Variants in CILP observed in about 807,000 individuals in gnomAD.
CILP encodes the protein cartilage intermediate layer protein.
A neutral mutation model predicts 82.5 loss-of-function variants in CILP; 75 were observed. The observed-to-expected ratio is 0.91, with a 90% confidence interval of 0.75 to 1.10. The LOEUF (loss-of-function observed/expected upper bound fraction) is 1.10. Among genes scored for constraint, CILP ranks in the 50% least tolerant of loss-of-function variants. CILP has a pLI of 0.00. For synonymous variants in CILP, 530 were observed against 580.3 expected (o/e 0.91, Z 1.25); for missense variants, 1,479 against 1,530.8 (o/e 0.97, Z 0.56).
At chr15:65,201,400 G>A (rs1000656709) in intron 8 of CILP, among the ~76,000 whole-genome samples, 5 of 152,138 alleles carry the variant, frequency 3.3e-5, no homozygotes, top group East Asian at 3.9e-4. Flanking sequence ...CTGTACCATC[G>A]TTATGTCCTA....
At chr15:65,207,839 A>G (rs1266467045) in intron 2 of CILP, 75 bp from the exon 3 acceptor site, 2 of 1,282,284 alleles carry the variant, frequency 1.6e-6, no homozygotes, top group Non-Finnish European at 2.3e-6. Flanking sequence ...GCAGGGAAAC[A>G]GTGTGAGGTG....
chr15:65,207,776 A>C lies in CILP; in HGVS notation c.62-12T>G. The C allele has an allele frequency of 6.2e-7, 1 of 1,611,970 alleles. No homozygotes were observed. The highest frequency in any genetic ancestry group is 8.5e-7 in the Non-Finnish European group (1 of 1,178,048). On this transcript the variant is annotated splice_polypyrimidine_tract_variant and intron_variant, in intron 2 of 8. Transcript: ENST00000261883. ...CATCGTCTGTCTCCCTGAGGGCCAG[A>C]AGGAGAAGCTAAGTGAGAGGCCAGG...
intron 2 of CILP, among the ~76,000 whole-genome samples, chr15:65,209,012 C>CTTTTTTTTTTTTTTTTTTTTTTTT (rs556369891): frequency 8.6e-5 from 6 of 69,988 alleles, no homozygotes; most frequent in Admixed American, 2.3e-4. Context: ...GGGTTTTGAG[C>CTTTTTTTTTTTTTTTTTTTTTTTT]TTTTTTTTTT....
At chr15:65,199,684 A>C (rs1301058641) in intron 8 of CILP, among the ~76,000 whole-genome samples, 1 of 152,130 alleles carries the variant, frequency 6.6e-6, no homozygotes, top group Non-Finnish European at 1.5e-5. Flanking sequence ...TCAGCTGGGC[A>C]TGGTGGCACA....
rs957647608 is a variant in CILP, at chr15:65,208,991, G to A, written c.61+704C>T. Among the ~76,000 whole-genome samples, 4 of 135,762 alleles carry A rather than the reference G, an allele frequency of 2.9e-5. No individual in the cohort carries two copies. The South Asian group carries it at 7.8e-4, about 26-fold the overall frequency. The allele number at this position is 135,762 out of a possible 152,430, so 89.1% of individuals were successfully genotyped here. A position where few individuals can be genotyped will look rare whatever the true frequency, so the allele number is the denominator to read the frequency against. On this transcript the variant is annotated intron_variant, in intron 2 of 8. Transcript: ENST00000261883. ...AGCCACAAATCCTGCAAGGCATACA[G>A]CTTTAAAGGAGGGTTTTGAGCTTTT...
Position 65,204,253 on chromosome 15 carries a change from A to G in CILP, c.919+15T>C, listed in dbSNP as rs1288041723. 4 of 1,609,956 alleles carry G rather than the reference A, an allele frequency of 2.5e-6. No individual in the cohort carries two copies. Among genetic ancestry groups the G allele is most frequent in the Non-Finnish European group, 2.5e-6 (3 of 1,178,672 alleles). On this transcript the variant is annotated intron_variant, in intron 6 of 8. Transcript: ENST00000261883. ...TGGACCTTCTCACCAGCCCTACCCC[A>G]AAGAATTTAGTTACCTGCCCTCACA...
In CILP at chr15:65,197,513, TGTA is replaced by T; in HGVS notation, c.2770_2772del (p.Tyr924del). 2.5e-6 allele frequency: 4 copies of T among 1,614,192 alleles called. No homozygotes were observed. The highest frequency in any genetic ancestry group is 3.4e-6 in the Non-Finnish European group (4 of 1,180,028). On this transcript the variant is annotated inframe_deletion, in exon 9 of 9. Coordinates refer to ENST00000261883, the MANE Select transcript of CILP (RefSeq NM_003613.4). ...TCATCTTCGTTGAAGGGGACTGTGT[TGTA>T]GTCATATCGATCCCCCTCAATCTGG...
Position 65,197,103 on chromosome 15 carries a change from G to A in CILP, c.3183C>T (p.Tyr1061=), listed in dbSNP as rs750028074. The change falls in exon 9 of 9, where the codon TAC becomes TAT. Residue 1061 remains tyrosine, a synonymous_variant. Coordinates refer to ENST00000261883, the MANE Select transcript of CILP (RefSeq NM_003613.4). ...GTGGGTCCAAGGGTGCCAGCATGGT[G>A]TACTCACTGGTGTCGTTGTTGACTG... ...PLAVNNDTSE[Y]TMLAPLDPLG... The A allele has an allele frequency of 1.2e-5, 19 of 1,614,102 alleles. No homozygotes were observed. The South Asian group carries it at 2.1e-4, about 18-fold the overall frequency.
chr15:65,209,823 GGAA>G lies in CILP; in HGVS notation c.-71_-69del. 7 of 1,404,784 alleles carry G rather than the reference GGAA, an allele frequency of 5.0e-6. No homozygotes were observed. Among genetic ancestry groups the G allele is most frequent in the Non-Finnish European group, 7.1e-6 (7 of 992,040 alleles). 87.0% of individuals were successfully genotyped at this position (1,404,784 alleles called of 1,614,324 possible). On this transcript the variant is annotated 5_prime_UTR_variant, in exon 2 of 9. Transcript: ENST00000261883. ...GGTGCTTCACAGAGTCACTGACTCT[GGAA>G]TGCGGTCCCCTGGGAAGTTTCTCAG...
rs564148044 is a variant in CILP at position 65,198,418 on chromosome 15, C to G, written c.1868G>C (p.Ser623Thr). 4.3e-6 allele frequency: 7 copies of G among 1,614,254 alleles called. No homozygotes were observed. The highest frequency in any genetic ancestry group is 4.5e-5 in the East Asian group (2 of 44,896). The change falls in exon 9 of 9, where the codon AGT becomes ACT. Residue 623 changes from serine (S) to threonine (T), a missense_variant. Physicochemically the swap from Ser to Thr is moderately conservative, Grantham distance 58. Transcript: ENST00000261883. Reference sequence around the variant, plus strand: ...ATTCCGGGGATCCAGGAAGGTCACACTGGCCTTCACTTTTCCTATGTAGGG... The same window carrying G: ...ATTCCGGGGATCCAGGAAGGTCACAGTGGCCTTCACTTTTCCTATGTAGGG... Reference protein sequence around the residue: ...GEPYIGKVKASVTFLDPRNIS... With the variant: ...GEPYIGKVKATVTFLDPRNIS...
At position 65,197,766 on chromosome 15, in the gene CILP, A is replaced by T. The variant is rs1381093515; in HGVS notation, c.2520T>A (p.Pro840=). The change falls in exon 9 of 9, where the codon CCT becomes CCA. Residue 840 remains proline, a synonymous_variant. Coordinates refer to ENST00000261883, the MANE Select transcript of CILP (RefSeq NM_003613.4). ...GEELQAVESS[P]KFNPNAIGVP... ...CGCCAATTGCATTTGGGTTGAATTT[A>T]GGAGAAGACTCCACTGCTTGCAGTT... 6.8e-6 allele frequency: 11 copies of T among 1,612,648 alleles called. No homozygotes were observed. In the Middle Eastern group the frequency reaches 4.9e-4, roughly 72 times the overall value.
intron 7 of CILP, among the ~76,000 whole-genome samples, 186 bp from the exon 8 acceptor site, chr15:65,202,215 T>C (rs191208650): frequency 6.2e-4 from 95 of 152,218 alleles, no homozygotes; most frequent in Middle Eastern, 6.8e-3. Flanking sequence ...TGGTTCTAAG[T>C]CCCAGCCCTA....
intron 8 of CILP, 128 bp from the exon 9 acceptor site, chr15:65,199,227 A>T: frequency 9.1e-6 from 6 of 661,058 alleles, no homozygotes; most frequent in Non-Finnish European, 1.5e-5. Flanking sequence ...TCTCATTCTC[A>T]CAGAACTCTC....
rs1318765598 is a variant in CILP, at chr15:65,197,950, T to A, written c.2336A>T (p.Asn779Ile). The change falls in exon 9 of 9, where the codon AAC (asparagine) becomes ATC (isoleucine). Residue 779 changes from asparagine to isoleucine, a missense_variant. Asn to Ile is a moderately radical substitution (Grantham distance 149, BLOSUM62 -3). Coordinates refer to ENST00000261883, the MANE Select transcript of CILP (RefSeq NM_003613.4). The stretch of plus-strand genomic sequence containing the variant: ...CAAGAAGCCAGTTCTAGGCTCCAGG[T>A]TAATCACGGAGATCACAACCCCCTG... ...QIQGVVISVI[N>I]LEPRTGFLSN... is the part of the protein sequence containing the mutation. The A allele has an allele frequency of 6.2e-7, 1 of 1,613,974 alleles. No individual in the cohort carries two copies. The highest frequency in any genetic ancestry group is 1.3e-5 in the African/African-American group (1 of 74,884).
At chr15:65,202,834 C>T (rs1595958730) in intron 7 of CILP, among the ~76,000 whole-genome samples, 6 of 117,546 alleles carry the variant, frequency 5.1e-5, no homozygotes, top group East Asian at 2.4e-4. Context: ...GGGACCACAG[C>T]TTTTTTTTTT....
At chr15:65,203,976 A>G (rs748153282) in intron 6 of CILP, among the ~76,000 whole-genome samples, 1 of 152,248 alleles carries the variant, frequency 6.6e-6, no homozygotes, top group Non-Finnish European at 1.5e-5. Flanking sequence ...AGAACATTCT[A>G]AACAGAATAC....
chr15:65,209,601 G>A, intron 2 of CILP, 94 bp downstream of exon 2: 2 of 1,212,316 alleles, frequency 1.6e-6, no homozygotes, highest in Non-Finnish European at 2.4e-6. Context: ...GCCTTGCTGT[G>A]TCTTAAGGCA....
At chr15:65,207,358 C>T (rs566363512) in intron 3 of CILP, among the ~76,000 whole-genome samples, 8 of 152,246 alleles carry the variant, frequency 5.3e-5, no homozygotes, top group Admixed American at 2.6e-4. Flanking sequence ...GCTTTAAGAT[C>T]GTCTAGCTAG....
chr15:65,207,030 C>T lies in CILP; in HGVS notation c.176G>A (p.Trp59Ter). 1 of 1,613,446 alleles carries T rather than the reference C, an allele frequency of 6.2e-7. No homozygotes were observed. Among genetic ancestry groups the T allele is most frequent in the East Asian group, 2.2e-5 (1 of 44,876 alleles). ...TLESPGEWTT[W>*]FNIDYPGGKG... ...CCCGCCTGGGTAGTCGATGTTGAAC[C>T]ATGTTGTCCACTCACCAGGGCCTGA... The change falls in exon 4 of 9, where the codon TGG (tryptophan) becomes TAG (stop). Residue 59 changes from tryptophan (W) to a stop codon, truncating the protein, a stop_gained. Transcript: ENST00000261883. LOFTEE classifies it high-confidence loss of function.
Sources: allele counts gnomAD v4.1 joint callset (sites outside exome capture counted in the v4.1 genomes callset), GRCh38; gene constraint gnomAD v4.1.1; transcripts MANE v1.5; gene names NCBI Gene and HGNC (gene_info 2026-07-23, HGNC 2026-07-21).